TNS3: variants seen among roughly 807,000 people sequenced by gnomAD.
TNS3 encodes the protein tensin 3.
Under a neutral mutation model 140.9 loss-of-function variants are expected in TNS3, and 45 were observed. The ratio of observed to expected loss-of-function variants is 0.32; its 90% CI spans 0.25 to 0.41. TNS3 has a LOEUF of 0.41. Among genes scored for constraint, TNS3 ranks in the 10% least tolerant of loss-of-function variants. The pLI is 1.00. For synonymous variants in TNS3, 815 were observed against 788.4 expected (o/e 1.03, Z -0.56); for missense variants, 1,716 against 1,906.7 (o/e 0.90, Z 1.86).
chr7:47,325,523 C>T (rs980317374), intron 20 of TNS3, among the ~76,000 whole-genome samples: 5 of 152,102 alleles, frequency 3.3e-5, no homozygotes, highest in African/African-American at 1.2e-4. Flanking sequence ...CTTAGTCCTG[C>T]GTTCTTAGGT....
At chr7:47,569,519 G>A (rs1474923684) in intron 1 of TNS3, among the ~76,000 whole-genome samples, 3 of 151,856 alleles carry the variant, frequency 2.0e-5, no homozygotes, top group Non-Finnish European at 4.4e-5. Context: ...ACTCCAGCCT[G>A]GGCAACAGAG....
chr7:47,551,400 G>A (rs625224), intron 1 of TNS3, among the ~76,000 whole-genome samples: 13,020 of 152,288 alleles, frequency 0.085, 766 homozygotes, highest in Middle Eastern at 0.13. Flanking sequence ...GGGAGACCAC[G>A]GAGGAGGTGG....
chr7:47,312,861 T>C (rs1225442053), intron 20 of TNS3, among the ~76,000 whole-genome samples: 1 of 152,032 alleles, frequency 6.6e-6, no homozygotes, highest in Non-Finnish European at 1.5e-5. Context: ...ACATGTACCC[T>C]AAAACTTAAA....
At chr7:47,424,225 G>A (rs1300882929) in intron 9 of TNS3, 41 bp from the exon 10 acceptor site, 2 of 1,603,632 alleles carry the variant, frequency 1.2e-6, no homozygotes, top group Non-Finnish European at 1.7e-6. Context: ...ACTCAGTGGA[G>A]CCCACACCAC....
At chr7:47,446,688 C>CTTTTTTTT (rs144042398) in intron 4 of TNS3, among the ~76,000 whole-genome samples, 3,364 of 95,704 alleles carry the variant, frequency 0.035, 461 homozygotes, top group East Asian at 0.072. Context: ...TCCAGGCTGC[C>CTTTTTTTT]TTTTTTTTTT....
At chr7:47,434,535 T>C (rs1795080857) in intron 8 of TNS3, among the ~76,000 whole-genome samples, 1 of 152,150 alleles carries the variant, frequency 6.6e-6, no homozygotes, top group South Asian at 2.1e-4. Flanking sequence ...GGGTTAAGCT[T>C]CACACACTTA....
At chr7:47,281,496 T>C (rs1404971962) in intron 28 of TNS3, among the ~76,000 whole-genome samples, 1 of 152,206 alleles carries the variant, frequency 6.6e-6, no homozygotes, top group Non-Finnish European at 1.5e-5. Flanking sequence ...GGAGATAGGC[T>C]AGGGCAGAGG....
At chr7:47,474,229 C>A (rs200082251) in intron 4 of TNS3, among the ~76,000 whole-genome samples, 3 of 146,520 alleles carry the variant, frequency 2.0e-5, no homozygotes, top group Non-Finnish European at 3.0e-5. Context: ...ACAACACACA[C>A]AAAACACCTC....
At chr7:47,446,853 C>T (rs114284951) in intron 4 of TNS3, among the ~76,000 whole-genome samples, 5,030 of 140,934 alleles carry the variant, frequency 0.036, 271 homozygotes, top group African/African-American at 0.11. Flanking sequence ...CCACCAAATA[C>T]GGCTAATTTT....
chr7:47,534,093 G>C (rs1799515356), intron 1 of TNS3, among the ~76,000 whole-genome samples: 3 of 152,028 alleles, frequency 2.0e-5, no homozygotes, highest in African/African-American at 4.8e-5. Flanking sequence ...GGCCAACATG[G>C]TGAAACCCCG....
chr7:47,390,348 C>T (rs1295894579), intron 16 of TNS3, among the ~76,000 whole-genome samples: 1 of 152,236 alleles, frequency 6.6e-6, no homozygotes, highest in Non-Finnish European at 1.5e-5. Flanking sequence ...TCCGGGCCAG[C>T]TCTGCACACT....
intron 4 of TNS3, among the ~76,000 whole-genome samples, chr7:47,446,940 G>C (rs1194296876): frequency 6.6e-6 from 1 of 151,528 alleles, no homozygotes; most frequent in Non-Finnish European, 1.5e-5. Flanking sequence ...CACTGGCCTC[G>C]GTCTCCCAGA....
chr7:47,429,895 T>G (rs1328189736), intron 8 of TNS3, among the ~76,000 whole-genome samples: 1 of 152,216 alleles, frequency 6.6e-6, no homozygotes, highest in Non-Finnish European at 1.5e-5. Context: ...AGATACTCAA[T>G]GCGGGCACTT....
At chr7:47,355,271 C>T (rs527648261) in intron 17 of TNS3, among the ~76,000 whole-genome samples, 2 of 152,350 alleles carry the variant, frequency 1.3e-5, no homozygotes, top group South Asian at 2.1e-4. Flanking sequence ...TCCGGCCCCA[C>T]AGGAGGAGCT....
chr7:47,350,915 A>T (rs891561933), intron 17 of TNS3, among the ~76,000 whole-genome samples: 1 of 152,222 alleles, frequency 6.6e-6, no homozygotes, highest in African/African-American at 2.4e-5. Flanking sequence ...ACAGTGGGCA[A>T]AGATGCATGT....
At chr7:47,392,230 C>T (rs992618934) in intron 16 of TNS3, among the ~76,000 whole-genome samples, 8 of 152,166 alleles carry the variant, frequency 5.3e-5, no homozygotes, top group African/African-American at 1.9e-4. Flanking sequence ...CACGGGGAGA[C>T]CAGGACCATG....
chr7:47,397,384 A>T (rs904716120), intron 15 of TNS3, among the ~76,000 whole-genome samples: 1 of 152,212 alleles, frequency 6.6e-6, no homozygotes, highest in African/African-American at 2.4e-5. Context: ...ACATAGAAAA[A>T]GCATGATTAT....
At chr7:47,449,963 C>T (rs1795939443) in intron 4 of TNS3, among the ~76,000 whole-genome samples, 1 of 151,908 alleles carries the variant, frequency 6.6e-6, no homozygotes, top group Non-Finnish European at 1.5e-5. Context: ...TGTGAATTCT[C>T]GTCTGAGCTC....
intron 9 of TNS3, among the ~76,000 whole-genome samples, chr7:47,425,968 T>C (rs999648431): frequency 2.6e-5 from 4 of 152,040 alleles, no homozygotes; most frequent in Non-Finnish European, 4.4e-5. Context: ...TATAAGAATG[T>C]GTTCATCATG....
Sources: allele counts gnomAD v4.1 joint callset (sites outside exome capture counted in the v4.1 genomes callset), GRCh38; gene constraint gnomAD v4.1.1; transcripts MANE v1.5; gene names NCBI Gene and HGNC (gene_info 2026-07-23, HGNC 2026-07-21).